The following NETO2 variants were observed in gnomAD, a reference collection of about 807,000 sequenced individuals.
NETO2 encodes neuropilin and tolloid like 2.
In NETO2, 28 loss-of-function variants were observed where a neutral mutation model predicts 62.5. The ratio of observed to expected loss-of-function variants is 0.45; its 90% confidence interval spans 0.33 to 0.61. The LOEUF (loss-of-function observed/expected upper bound fraction) is 0.61, where lower values mean the gene tolerates loss of function less well. Ranked by LOEUF, NETO2 falls within the 20% of genes least tolerant of loss-of-function variation. The pLI is 0.02. For synonymous variants in NETO2, 214 were observed against 219.1 expected (o/e 0.98, Z 0.21); for missense variants, 548 against 643.2 (o/e 0.85, Z 1.60).
chr16:47,125,547 T>C (rs1035406817), intron 4 of NETO2, among the ~76,000 whole-genome samples: 11 of 152,116 alleles, frequency 7.2e-5, no homozygotes, highest in Non-Finnish European at 1.5e-4. Flanking sequence ...GGTTTTGCCA[T>C]GTTGGCCAGG....
At chr16:47,131,866 C>T (rs752841441) in intron 2 of NETO2, 103 bp downstream of exon 2, 2 of 927,346 alleles carry the variant, frequency 2.2e-6, no homozygotes, top group East Asian at 2.5e-5. Context: ...CACTGGAACA[C>T]CCCAAAGGGA....
At position 47,122,728 on chromosome 16, in the gene NETO2, G is replaced by C. The variant is rs764841990; in HGVS notation, c.583C>G (p.Gln195Glu). Reference protein sequence around the residue: ...DGIVRSSQVEQEEKTKPGQAV... With the variant: ...DGIVRSSQVEEEEKTKPGQAV... Reference sequence around the variant, plus strand: ...TGGCCTGGTTTTGTTTTCTCCTCTTGTTCTACCTGACTAGAGCGCACTATT... The same window carrying C: ...TGGCCTGGTTTTGTTTTCTCCTCTTCTTCTACCTGACTAGAGCGCACTATT... The change falls in exon 6 of 9, where the codon CAA (glutamine) becomes GAA (glutamate). Residue 195 changes from glutamine to glutamate, a missense_variant. Physicochemically the swap from Gln to Glu is conservative, Grantham distance 29. Coordinates refer to ENST00000562435, the MANE Select transcript of NETO2 (RefSeq NM_018092.5). 7.4e-6 allele frequency: 12 copies of C among 1,613,870 alleles called. No individual in the cohort carries two copies. The highest frequency in any genetic ancestry group is 4.2e-6 in the Non-Finnish European group (5 of 1,179,986).
At position 47,143,705 on chromosome 16, in the gene NETO2, C is replaced by G; in HGVS notation, c.-93G>C. The G allele has an allele frequency of 1.1e-5, 13 of 1,204,368 alleles. No individual in the cohort carries two copies. Among genetic ancestry groups the G allele is most frequent in the Non-Finnish European group, 1.3e-5 (13 of 968,258 alleles). The allele number at this position is 1,204,368 out of a possible 1,614,324, so 74.6% of individuals were successfully genotyped here. Reference sequence around the variant, plus strand: ...TCGGCGCGGCGGCGACGGCCCCACTCCGTCCCCATCGCCGGCCAGCAGCTG... The same window carrying G: ...TCGGCGCGGCGGCGACGGCCCCACTGCGTCCCCATCGCCGGCCAGCAGCTG... On this transcript the variant is annotated 5_prime_UTR_variant, in exon 1 of 9. Transcript: ENST00000562435.
Position 47,081,684 on chromosome 16 carries a change from C to T in NETO2, c.*1537G>A, listed in dbSNP as rs1963063072. The T allele has an allele frequency of 6.6e-6, 1 of 152,482 alleles. No individual in the cohort carries two copies. Among genetic ancestry groups the T allele is most frequent in the Admixed American group, 6.6e-5 (1 of 15,266 alleles). 9.4% of individuals were successfully genotyped at this position (152,482 alleles called of 1,614,324 possible). On this transcript the variant is annotated 3_prime_UTR_variant, in exon 9 of 9. Transcript: ENST00000562435. Reference sequence around the variant, plus strand: ...ACAAAATATAGAAAACAAGAATTTACCTCTTTTAAATGGCATGTCTGTATT... The same window carrying T: ...ACAAAATATAGAAAACAAGAATTTATCTCTTTTAAATGGCATGTCTGTATT...
intron 1 of NETO2, among the ~76,000 whole-genome samples, chr16:47,133,409 T>A (rs1007678887): frequency 6.7e-6 from 1 of 149,138 alleles, no homozygotes; most frequent in African/African-American, 2.5e-5. Context: ...AAAAAAAAAA[T>A]TAGCCAGGCA....
intron 1 of NETO2, among the ~76,000 whole-genome samples, chr16:47,142,524 G>C (rs1422202191): frequency 6.6e-6 from 1 of 152,132 alleles, no homozygotes; most frequent in African/African-American, 2.4e-5. Flanking sequence ...ATACAGTGCT[G>C]AGTTATACAT....
In NETO2 at chr16:47,119,276, T is replaced by C. The variant is rs536089340; in HGVS notation, c.654+3381A>G. ...ACGCCATTCTCCTGCCTCAGCCTCC[T>C]GAGTAGCTGGGACTACAGGCGCCCG... is the stretch of plus-strand genomic sequence containing the variant. On this transcript the variant is annotated intron_variant, in intron 6 of 8. Transcript: ENST00000562435. 6.7e-4 allele frequency among the ~76,000 whole-genome samples: 101 copies of C among 151,744 alleles called. 2 individuals are homozygous for C. In the South Asian group the frequency reaches 0.01, roughly 16 times the overall value.
intron 1 of NETO2, among the ~76,000 whole-genome samples, chr16:47,141,531 CCTGT>C (rs1310198072): frequency 6.6e-6 from 1 of 151,598 alleles, no homozygotes; most frequent in Non-Finnish European, 1.5e-5. Context: ...TCCCTTCATT[CCTGT>C]CTTTTAATCC....
intron 4 of NETO2, among the ~76,000 whole-genome samples, chr16:47,123,140 A>G (rs887312213): frequency 6.6e-6 from 1 of 152,194 alleles, no homozygotes; most frequent in African/African-American, 2.4e-5. Context: ...CTACTTGCAA[A>G]CTCACATCAA....
At chr16:47,125,756 T>C (rs1964144882) in intron 4 of NETO2, among the ~76,000 whole-genome samples, 1 of 152,152 alleles carries the variant, frequency 6.6e-6, no homozygotes, top group Admixed American at 6.5e-5. Flanking sequence ...AGTGGTGTGA[T>C]CATAGCTCAC....
rs974621266 is a variant in NETO2 at position 47,077,797 on chromosome 16, C to A, written c.*5424G>T. 2.0e-5 allele frequency: 3 copies of A among 152,232 alleles called. No homozygotes were observed. Among genetic ancestry groups the A allele is most frequent in the African/African-American group, 7.2e-5 (3 of 41,450 alleles). 9.4% of individuals were successfully genotyped at this position (152,232 alleles called of 1,614,324 possible). On this transcript the variant is annotated 3_prime_UTR_variant, in exon 9 of 9. Transcript: ENST00000562435. ...AGTAAAATTGCTCTGTAACAATTTA[C>A]AGAGACAGACCAGTGGTAAACCTTC...
chr16:47,132,268 T>C lies in NETO2; in HGVS notation c.35-243A>G, dbSNP rs1383597344. Among the ~76,000 whole-genome samples the C allele has an allele frequency of 4.6e-5, 7 of 152,032 alleles. No homozygotes were observed. In the South Asian group the frequency reaches 1.5e-3, roughly 32 times the overall value. ...TATAAGCATTTAATAATACATGGCA[T>C]TGAAAGCATTTTTCAACTTAATAGT... is the stretch of plus-strand genomic sequence containing the variant. On this transcript the variant is annotated intron_variant, in intron 1 of 8. Transcript: ENST00000562435.
At position 47,081,229 on chromosome 16, in the gene NETO2, A is replaced by C. The variant is rs1266927532; in HGVS notation, c.*1992T>G. On this transcript the variant is annotated 3_prime_UTR_variant, in exon 9 of 9. Coordinates refer to ENST00000562435, the MANE Select transcript of NETO2 (RefSeq NM_018092.5). ...ATATGCTAACTTCCCTTTTATCATC[A>C]TAAGATCATAGTTGTTGTTATATTA... The C allele has an allele frequency of 6.6e-6, 1 of 152,174 alleles. No homozygotes were observed. Among genetic ancestry groups the C allele is most frequent in the Non-Finnish European group, 1.5e-5 (1 of 67,986 alleles). The allele number at this position is 152,174 out of a possible 1,614,324, so 9.4% of individuals were successfully genotyped here.
intron 6 of NETO2, among the ~76,000 whole-genome samples, chr16:47,118,023 G>C (rs1424040951): frequency 6.6e-6 from 1 of 152,150 alleles, no homozygotes; most frequent in Non-Finnish European, 1.5e-5. Flanking sequence ...AAATTAACCA[G>C]ATTTTCCTAG....
Position 47,129,278 on chromosome 16 carries a change from G to A in NETO2, c.178C>T (p.Pro60Ser). 6.2e-7 allele frequency: 1 copy of A among 1,614,002 alleles called. No homozygotes were observed. Among genetic ancestry groups the A allele is most frequent in the South Asian group, 1.1e-5 (1 of 91,070 alleles). ...GGTGGATATGAGTCAGGATAATTTG[G>A]CGAAGCAAAATGACCTCCATTGCTG... The part of the protein sequence containing the change: ...RTSNGGHFAS[P>S]NYPDSYPPNK... The change falls in exon 3 of 9, where the codon CCA becomes TCA. Residue 60 changes from proline (P) to serine (S), a missense_variant. Physicochemically the swap from Pro to Ser is moderately conservative, Grantham distance 74 (BLOSUM62 -1). Coordinates refer to ENST00000562435, the MANE Select transcript of NETO2 (RefSeq NM_018092.5).
At chr16:47,127,791 A>G (rs759780556) in intron 4 of NETO2, among the ~76,000 whole-genome samples, 3 of 152,240 alleles carry the variant, frequency 2.0e-5, no homozygotes, top group Non-Finnish European at 4.4e-5. Context: ...CTAATGGCCA[A>G]TCTCAAACAT....
chr16:47,108,773 G>A (rs1329981551), intron 7 of NETO2, among the ~76,000 whole-genome samples: 10 of 152,138 alleles, frequency 6.6e-5, no homozygotes, highest in Admixed American at 3.9e-4. Flanking sequence ...TAATAATATC[G>A]TATCTGTGTT....
chr16:47,126,421 T>C (rs1964158325), intron 4 of NETO2, among the ~76,000 whole-genome samples: 1 of 152,102 alleles, frequency 6.6e-6, no homozygotes, highest in African/African-American at 2.4e-5. Flanking sequence ...ATTCTGGAAA[T>C]AGCAAGACTA....
intron 7 of NETO2, among the ~76,000 whole-genome samples, chr16:47,088,209 A>G (rs1030183360): frequency 2.2e-4 from 33 of 152,168 alleles, no homozygotes; most frequent in African/African-American, 7.7e-4. Flanking sequence ...GGTTCAAGCA[A>G]TTCTCCTGCC....
Sources: allele counts gnomAD v4.1 joint callset (sites outside exome capture counted in the v4.1 genomes callset), GRCh38; gene constraint gnomAD v4.1.1; transcripts MANE v1.5; gene names NCBI Gene and HGNC (gene_info 2026-07-23, HGNC 2026-07-21).